EMP2: variants seen among roughly 807,000 people sequenced by gnomAD.
EMP2 encodes the protein epithelial membrane protein 2.
Under a neutral mutation model 13.7 loss-of-function variants are expected in EMP2, and 19 were observed. That is an observed-to-expected ratio of 1.38 (90% CI 0.97 to 2.03). The LOEUF is 2.03. EMP2 is among the 30% of genes most tolerant of loss of function. The probability of loss-of-function intolerance (pLI) is 0.00; values close to 1 mark genes in which losing one functional copy is unlikely to be tolerated. For missense variants in EMP2, 253 were observed against 220.7 expected (o/e 1.15, Z -0.93); for synonymous variants, 97 against 84.7 (o/e 1.15, Z -0.80).
At chr16:10,552,162 GA>G (rs2050793390) in intron 1 of EMP2, among the ~76,000 whole-genome samples, 4 of 150,122 alleles carry the variant, frequency 2.7e-5, no homozygotes, top group African/African-American at 9.9e-5. Context: ...ACCCTGGGGG[GA>G]AAAAGGGCTC....
rs115794552 is a variant in EMP2 at position 10,547,623 on chromosome 16, C to A, written c.-6G>T. 5.2e-4 allele frequency: 841 copies of A among 1,614,094 alleles called. 3 individuals carry two copies. In the African/African-American group the frequency reaches 9.2e-3, roughly 18 times the overall value. ...AAAGCAAGAAGCACCAACATTTTCACAGGGCAGGGCGAGTCGAGGCGAGGG... is the reference window on the plus strand; with the variant it reads ...AAAGCAAGAAGCACCAACATTTTCAAAGGGCAGGGCGAGTCGAGGCGAGGG... On this transcript the variant is annotated 5_prime_UTR_variant, in exon 2 of 5. Coordinates refer to ENST00000359543, the MANE Select transcript of EMP2 (RefSeq NM_001424.6).
intron 1 of EMP2, among the ~76,000 whole-genome samples, chr16:10,578,440 C>T (rs886429896): frequency 2.6e-5 from 4 of 152,184 alleles, no homozygotes; most frequent in African/African-American, 7.2e-5. Context: ...GGGCGGTTTG[C>T]TAAATGGATG....
chr16:10,578,562 G>A lies in EMP2; in HGVS notation c.-61+1987C>T, dbSNP rs369486486. Among the ~76,000 whole-genome samples the A allele has an allele frequency of 6.3e-3, 956 of 152,298 alleles. 9 individuals are homozygous for A. Among genetic ancestry groups the A allele is most frequent in the African/African-American group, 0.022 (922 of 41,562 alleles). ...GGTGCACCCCCTCCTCCAGCCCGAGGTGGGGCAGTGTCAGCCCCAAGCCTC... is the reference window on the plus strand; with the variant it reads ...GGTGCACCCCCTCCTCCAGCCCGAGATGGGGCAGTGTCAGCCCCAAGCCTC... On this transcript the variant is annotated intron_variant, in intron 1 of 4. Transcript: ENST00000359543.
At chr16:10,567,118 C>G (rs2050911612) in intron 1 of EMP2, among the ~76,000 whole-genome samples, 2 of 152,268 alleles carry the variant, frequency 1.3e-5, no homozygotes, top group African/African-American at 4.8e-5. Context: ...CATTATCTGC[C>G]ATTTTCTTAT....
At chr16:10,570,469 C>G (rs926465729) in intron 1 of EMP2, among the ~76,000 whole-genome samples, 1 of 152,202 alleles carries the variant, frequency 6.6e-6, no homozygotes, top group Non-Finnish European at 1.5e-5. Flanking sequence ...GTGATCTCAA[C>G]TCACCGTCAC....
At chr16:10,567,746 C>CA (rs555703874) in intron 1 of EMP2, among the ~76,000 whole-genome samples, 121 of 152,312 alleles carry the variant, frequency 7.9e-4, no homozygotes, top group African/African-American at 2.8e-3. Context: ...TACAGCAAAC[C>CA]AAAGCTCTCC....
At chr16:10,539,818 C>T (rs530844196) in intron 3 of EMP2, among the ~76,000 whole-genome samples, 4 of 152,128 alleles carry the variant, frequency 2.6e-5, no homozygotes, top group Admixed American at 6.5e-5. Flanking sequence ...GTAAAGCCAC[C>T]GAGGGAATTC....
In EMP2 at chr16:10,580,216, G is replaced by C. The variant is rs960797696; in HGVS notation, c.-61+333C>G. 6.6e-6 allele frequency among the ~76,000 whole-genome samples: 1 copy of C among 152,156 alleles called. No individual in the cohort carries two copies. The highest frequency in any genetic ancestry group is 2.4e-5 in the African/African-American group (1 of 41,452). ...CCGGGAATCCCTCACGCGACCTGGG[G>C]ATCTCCCTGGACTCCAAGAGCCCCG... On this transcript the variant is annotated intron_variant, in intron 1 of 4. Coordinates refer to ENST00000359543, the MANE Select transcript of EMP2 (RefSeq NM_001424.6). The surrounding 1 kb of genome is among the most constrained non-coding windows in gnomAD (Gnocchi z 4.3).
chr16:10,529,678 C>A lies in EMP2; in HGVS notation c.*3227G>T, dbSNP rs927186798. 1 of 152,176 alleles carries A rather than the reference C, an allele frequency of 6.6e-6. No homozygotes were observed. The highest frequency in any genetic ancestry group is 2.4e-5 in the African/African-American group (1 of 41,414). 9.4% of individuals were successfully genotyped at this position (152,176 alleles called of 1,614,324 possible). On this transcript the variant is annotated 3_prime_UTR_variant, in exon 5 of 5. Coordinates refer to ENST00000359543, the MANE Select transcript of EMP2 (RefSeq NM_001424.6). Reference sequence around the variant, plus strand: ...AGACGCAGTGGCTCATGCCTGTAATCCCAGCACTTTGGAAGGCTGAGGTGG... The same window carrying A: ...AGACGCAGTGGCTCATGCCTGTAATACCAGCACTTTGGAAGGCTGAGGTGG...
intron 3 of EMP2, among the ~76,000 whole-genome samples, chr16:10,543,293 C>T (rs1266360488): frequency 2.0e-5 from 3 of 152,224 alleles, no homozygotes; most frequent in Admixed American, 1.3e-4. Context: ...AGGATGAGAA[C>T]GGGAAACTCG....
intron 4 of EMP2, among the ~76,000 whole-genome samples, chr16:10,535,601 T>C (rs1407723513): frequency 2.0e-5 from 3 of 152,084 alleles, no homozygotes; most frequent in Non-Finnish European, 4.4e-5. Flanking sequence ...TCCCAGTTCC[T>C]TGGGAGGCTG....
At chr16:10,546,205 T>A (rs1358118197) in intron 2 of EMP2, 1 of 152,170 alleles carries the variant, frequency 6.6e-6, no homozygotes, top group Non-Finnish European at 1.5e-5. Flanking sequence ...GTCATGATGA[T>A]CCATCAACGG....
intron 4 of EMP2, among the ~76,000 whole-genome samples, chr16:10,535,123 A>G (rs547231561): frequency 1.3e-5 from 2 of 152,192 alleles, no homozygotes; most frequent in Admixed American, 6.6e-5. Context: ...TACCCCCAGA[A>G]TCCCATCTCT....
chr16:10,555,002 C>T (rs181439640), intron 1 of EMP2, among the ~76,000 whole-genome samples: 137 of 152,298 alleles, frequency 9.0e-4, no homozygotes, highest in Admixed American at 3.3e-3. Context: ...GTCTCTCCCC[C>T]TCTGACAGCT....
chr16:10,543,343 A>G (rs1448983509), intron 3 of EMP2, among the ~76,000 whole-genome samples: 1 of 152,268 alleles, frequency 6.6e-6, no homozygotes, highest in Non-Finnish European at 1.5e-5. Context: ...ATGAGGTCCA[A>G]CTTAGCTGGA....
intron 4 of EMP2, among the ~76,000 whole-genome samples, chr16:10,535,999 C>T (rs2050644304): frequency 6.6e-6 from 1 of 152,134 alleles, no homozygotes; most frequent in African/African-American, 2.4e-5. Context: ...GGAGTCTGCA[C>T]TTTAGAAAGG....
At chr16:10,534,386 G>A (rs1431572480) in intron 4 of EMP2, among the ~76,000 whole-genome samples, 3 of 152,206 alleles carry the variant, frequency 2.0e-5, no homozygotes, top group Non-Finnish European at 4.4e-5. Flanking sequence ...TACTTGTTAT[G>A]TAAAAATAGT....
In EMP2 at chr16:10,532,971, C is replaced by T. The variant is rs760634520; in HGVS notation, c.438G>A (p.Ala146=). ...EGSYGYSYIL[A]WVAFACTFIS... ...TGAAGGTGCAGGCGAAGGCCACCCA[C>T]GCCAGGATGTAGGAGTAGCCGTAGC... Residue 146 remains alanine, a synonymous_variant, in exon 5 of 5, where the codon GCG becomes GCA. Coordinates refer to ENST00000359543, the MANE Select transcript of EMP2 (RefSeq NM_001424.6). 26 of 1,610,798 alleles carry T rather than the reference C, an allele frequency of 1.6e-5. No homozygotes were observed. The highest frequency in any genetic ancestry group is 1.8e-5 in the Non-Finnish European group (21 of 1,178,570).
At chr16:10,552,049 T>C (rs1419854661) in intron 1 of EMP2, among the ~76,000 whole-genome samples, 1 of 151,640 alleles carries the variant, frequency 6.6e-6, no homozygotes, top group South Asian at 2.1e-4. Flanking sequence ...AAAGACAAAT[T>C]CCCCTTTGTT....
Sources: gnomAD v4.1 joint callset for allele counts (sites outside exome capture counted in the v4.1 genomes callset) on GRCh38, gnomAD v4.1.1 for gene constraint, Gnocchi (gnomAD v3.1) non-coding constraint, MANE v1.5 for transcripts, NCBI Gene and HGNC (gene_info 2026-07-23, HGNC 2026-07-21) for gene names.